The following TMTC4 variants were observed in gnomAD, a reference collection of about 807,000 sequenced individuals.
The protein encoded by TMTC4 is transmembrane O-mannosyltransferase targeting cadherins 4.
Under a neutral mutation model 86.0 loss-of-function variants are expected in TMTC4, and 65 were observed. The observed-to-expected ratio is 0.76, with a 90% confidence interval of 0.62 to 0.93. TMTC4 has a LOEUF of 0.93. Ranked by LOEUF, TMTC4 falls within the 40% of genes least tolerant of loss-of-function variation. TMTC4 has a pLI of 0.00. For missense variants in TMTC4, 866 were observed against 948.1 expected (o/e 0.91, Z 1.14); for synonymous variants, 379 against 382.5 (o/e 0.99, Z 0.11).
chr13:100,674,498 G>A, intron 1 of TMTC4: 1 of 962,230 alleles, frequency 1.0e-6, no homozygotes, highest in African/African-American at 1.8e-5. Context: ...GGCGGGCGGG[G>A]CGCGCAGCCT....
chr13:100,658,611 G>C (rs950458236), intron 5 of TMTC4, among the ~76,000 whole-genome samples: 2 of 152,022 alleles, frequency 1.3e-5, no homozygotes, highest in Non-Finnish European at 2.9e-5. Flanking sequence ...AAAAATACTA[G>C]GCCTAGAGGC....
rs1882234676 is a variant in TMTC4, at chr13:100,636,561, G to A, written c.1173C>T (p.Ala391=). ...TCTTGTGGCCGTCTTCAGAGCACAG[G>A]GCTTGGCATATCAGGCCAATTAGGC... The part of the protein sequence containing the change: ...WFCLIGLICQ[A]LCSEDGHKRR... The change falls in exon 10 of 19, where the codon GCC becomes GCT. Residue 391 remains alanine, a synonymous_variant. Coordinates refer to ENST00000342624, the MANE Select transcript of TMTC4 (RefSeq NM_032813.5). 5 of 1,614,172 alleles carry A rather than the reference G, an allele frequency of 3.1e-6. No individual in the cohort carries two copies. The highest frequency in any genetic ancestry group is 4.2e-6 in the Non-Finnish European group (5 of 1,180,036).
intron 6 of TMTC4, among the ~76,000 whole-genome samples, chr13:100,653,905 G>A (rs1884748666): frequency 6.6e-6 from 1 of 152,212 alleles, no homozygotes; most frequent in Non-Finnish European, 1.5e-5. Flanking sequence ...TGGATGAGCA[G>A]AAGATGCAAA....
At chr13:100,608,909 A>ATTCCT (rs1351069968) in intron 17 of TMTC4, among the ~76,000 whole-genome samples, 1 of 152,164 alleles carries the variant, frequency 6.6e-6, no homozygotes, top group East Asian at 1.9e-4. Context: ...CTTGCAAATT[A>ATTCCT]TGTCTCTAGG....
At chr13:100,666,155 A>T (rs759567928) in intron 3 of TMTC4, 1 of 424,124 alleles carries the variant, frequency 2.4e-6, no homozygotes. Flanking sequence ...TATGGAAAAG[A>T]TGTATTGTGT....
At chr13:100,630,019 CTGTGTGTATGTGTGTGTGTGTGTGTG>C (rs1881116415) in intron 12 of TMTC4, among the ~76,000 whole-genome samples, 4 of 146,790 alleles carry the variant, frequency 2.7e-5, no homozygotes, top group East Asian at 2.0e-4. Flanking sequence ...GCCACCCAAT[CTGTGTGTATGTGTGTGTGTGTGTGTG>C]TGTGTGTGTG....
intron 6 of TMTC4, among the ~76,000 whole-genome samples, chr13:100,654,814 T>C (rs902885829): frequency 6.6e-6 from 1 of 152,134 alleles, no homozygotes; most frequent in African/African-American, 2.4e-5. Flanking sequence ...ACAGGTTCTA[T>C]CATATCTCCT....
At chr13:100,651,067 G>T (rs1884374956) in intron 6 of TMTC4, among the ~76,000 whole-genome samples, 1 of 152,174 alleles carries the variant, frequency 6.6e-6, no homozygotes, top group Non-Finnish European at 1.5e-5. Context: ...TAAGAATTTA[G>T]AACTTAAAAT....
intron 5 of TMTC4, among the ~76,000 whole-genome samples, chr13:100,659,168 T>C (rs1885465629): frequency 6.6e-6 from 1 of 152,182 alleles, no homozygotes; most frequent in Non-Finnish European, 1.5e-5. Context: ...ATGGGGGCCA[T>C]GAAAAGGAAT....
intron 12 of TMTC4, among the ~76,000 whole-genome samples, chr13:100,632,713 T>C (rs1216478918): frequency 6.6e-6 from 1 of 152,240 alleles, no homozygotes; most frequent in East Asian, 1.9e-4. Context: ...TTAAGTTTCA[T>C]AATAAGATGT....
chr13:100,615,749 G>A lies in TMTC4; in HGVS notation c.1837-1319C>T, dbSNP rs573941311. ...ATTACAGGCGTGGGCCACCGCACTCGGCCTTCAACTTTTTATTTTAGATTC... is the reference window on the plus strand; with the variant it reads ...ATTACAGGCGTGGGCCACCGCACTCAGCCTTCAACTTTTTATTTTAGATTC... On this transcript the variant is annotated intron_variant, in intron 15 of 18. Transcript: ENST00000342624. Among the ~76,000 whole-genome samples, 11 of 152,264 alleles carry A rather than the reference G, an allele frequency of 7.2e-5. No homozygotes were observed. In the South Asian group the frequency reaches 8.3e-4, roughly 11 times the overall value.
chr13:100,607,967 G>C (rs533533162), intron 17 of TMTC4, among the ~76,000 whole-genome samples: 1 of 152,216 alleles, frequency 6.6e-6, no homozygotes, highest in African/African-American at 2.4e-5. Flanking sequence ...GGGTTGTGTA[G>C]TTTCGCAGTG....
At chr13:100,609,973 C>T (rs1353580867) in intron 17 of TMTC4, among the ~76,000 whole-genome samples, 5 of 152,148 alleles carry the variant, frequency 3.3e-5, no homozygotes, top group Admixed American at 6.5e-5. Flanking sequence ...GAAGCCTGAA[C>T]GTTTCAGGGC....
chr13:100,622,446 G>C (rs1231842719), intron 15 of TMTC4, among the ~76,000 whole-genome samples: 1 of 152,210 alleles, frequency 6.6e-6, no homozygotes, highest in Non-Finnish European at 1.5e-5. Flanking sequence ...TCATTCCCAT[G>C]TGTTGTGGGA....
chr13:100,617,822 T>C (rs1024203237), intron 15 of TMTC4, among the ~76,000 whole-genome samples: 1 of 152,232 alleles, frequency 6.6e-6, no homozygotes, highest in Non-Finnish European at 1.5e-5. Flanking sequence ...ATTCAGGTTC[T>C]TTTTTGGTTC....
At chr13:100,647,767 A>G (rs976472229) in intron 6 of TMTC4, among the ~76,000 whole-genome samples, 1 of 152,160 alleles carries the variant, frequency 6.6e-6, no homozygotes, top group Non-Finnish European at 1.5e-5. Context: ...GGGCTCCTCT[A>G]GAATTCCTCT....
chr13:100,649,434 C>T (rs548669506), intron 6 of TMTC4, among the ~76,000 whole-genome samples: 65 of 152,284 alleles, frequency 4.3e-4, no homozygotes, highest in African/African-American at 1.5e-3. Flanking sequence ...TGTTCTTATA[C>T]AGTAACAAAT....
intron 15 of TMTC4, among the ~76,000 whole-genome samples, chr13:100,621,801 A>G (rs534021487): frequency 6.6e-6 from 1 of 152,334 alleles, no homozygotes; most frequent in Admixed American, 6.5e-5. Flanking sequence ...GTGAACAGAA[A>G]CGGTAATCCC....
At chr13:100,612,229 C>T (rs986106269) in intron 17 of TMTC4, among the ~76,000 whole-genome samples, 169 bp downstream of exon 17, 6 of 152,228 alleles carry the variant, frequency 3.9e-5, no homozygotes, top group African/African-American at 1.2e-4. Context: ...GGCCCCACAC[C>T]GCTGTCTTTG....
Sources: allele counts gnomAD v4.1 joint callset (sites outside exome capture counted in the v4.1 genomes callset), GRCh38; gene constraint gnomAD v4.1.1; transcripts MANE v1.5; gene names NCBI Gene and HGNC (gene_info 2026-07-23, HGNC 2026-07-21).